The following ZNF892 variants were observed in gnomAD, a reference collection of about 807,000 sequenced individuals.
ZNF892 encodes zinc finger protein 570-like.
At chr2:95,218,700 A>G in the ZNF892 span, among the ~76,000 whole-genome samples, 1 of 152,214 alleles carries the variant, frequency 6.6e-6, no homozygotes, top group African/African-American at 2.4e-5. Flanking sequence ...CTCAAACAAC[A>G]GAAATTTATT....
At chr2:95,222,851 G>T in the ZNF892 span, among the ~76,000 whole-genome samples, 1 of 152,080 alleles carries the variant, frequency 6.6e-6, no homozygotes, top group East Asian at 1.9e-4. Context: ...TAATGTTTAG[G>T]AAATTTTTCT....
chr2:95,261,854 A>G, the ZNF892 span, among the ~76,000 whole-genome samples: 2 of 152,222 alleles, frequency 1.3e-5, no homozygotes, highest in East Asian at 3.9e-4. Flanking sequence ...GCGACTGGTC[A>G]TGCATCAAGT....
the ZNF892 span, among the ~76,000 whole-genome samples, chr2:95,220,919 A>T: frequency 9.9e-5 from 15 of 152,220 alleles, no homozygotes; most frequent in African/African-American, 3.6e-4. Flanking sequence ...AGCACTGGAG[A>T]ACTGGACTCA....
At chr2:95,206,660 G>C in the ZNF892 span, among the ~76,000 whole-genome samples, 1 of 152,186 alleles carries the variant, frequency 6.6e-6, no homozygotes, top group African/African-American at 2.4e-5. Context: ...AAGGCTTTAT[G>C]TTTTCTCTTT....
At chr2:95,233,489 C>T in the ZNF892 span, among the ~76,000 whole-genome samples, 1 of 150,950 alleles carries the variant, frequency 6.6e-6, no homozygotes, top group Non-Finnish European at 1.5e-5. Flanking sequence ...CTGGCTAACA[C>T]GGTGAAACCG....
the ZNF892 span, among the ~76,000 whole-genome samples, chr2:95,250,915 ATACT>A: frequency 1.1e-4 from 17 of 147,988 alleles, no homozygotes; most frequent in East Asian, 1.6e-3. Flanking sequence ...ATTGACGTCA[ATACT>A]TATTTATATA....
chr2:95,245,378 G>A, the ZNF892 span, among the ~76,000 whole-genome samples: 1 of 148,022 alleles, frequency 6.8e-6, no homozygotes, highest in African/African-American at 2.5e-5. Flanking sequence ...TGCCTCCCAA[G>A]TGGGACTACA....
chr2:95,234,621 A>C, the ZNF892 span, among the ~76,000 whole-genome samples: 1 of 152,232 alleles, frequency 6.6e-6, no homozygotes, highest in Non-Finnish European at 1.5e-5. Context: ...AGGACAGGGT[A>C]GGAGGTTCCA....
chr2:95,262,266 C>G, the ZNF892 span, among the ~76,000 whole-genome samples: 1 of 152,170 alleles, frequency 6.6e-6, no homozygotes, highest in Non-Finnish European at 1.5e-5. Flanking sequence ...TTGGTACACT[C>G]AGAACAAAAT....
chr2:95,233,564 T>G, the ZNF892 span, among the ~76,000 whole-genome samples: 1 of 146,122 alleles, frequency 6.8e-6, no homozygotes, highest in Non-Finnish European at 1.5e-5. Flanking sequence ...TCCCAGCTAC[T>G]CAGGAGGCTG....
chr2:95,222,543 C>T, the ZNF892 span, among the ~76,000 whole-genome samples: 3 of 152,268 alleles, frequency 2.0e-5, no homozygotes, highest in African/African-American at 7.2e-5. Context: ...AGTGGTATCT[C>T]AATGTGGCTT....
the ZNF892 span, chr2:95,212,430 T>C: frequency 5.0e-6 from 2 of 396,266 alleles, no homozygotes. Context: ...TGGATGGTTA[T>C]CTGTTTATAA....
the ZNF892 span, among the ~76,000 whole-genome samples, chr2:95,212,569 A>T: frequency 1.6e-4 from 24 of 152,250 alleles, no homozygotes; most frequent in African/African-American, 5.5e-4. Context: ...CAAGGCTCTA[A>T]AGCAGGATTT....
At chr2:95,221,915 T>C in the ZNF892 span, among the ~76,000 whole-genome samples, 1 of 152,122 alleles carries the variant, frequency 6.6e-6, no homozygotes, top group Non-Finnish European at 1.5e-5. Flanking sequence ...AGTTCCTTCT[T>C]CTCCTCCTCC....
At chr2:95,258,915 T>C in the ZNF892 span, among the ~76,000 whole-genome samples, 1 of 152,146 alleles carries the variant, frequency 6.6e-6, no homozygotes, top group South Asian at 2.1e-4. Flanking sequence ...ATGTAAGTTT[T>C]ACATAACATG....
At chr2:95,214,324 T>C in the ZNF892 span, 6 of 398,482 alleles carry the variant, frequency 1.5e-5, no homozygotes, top group Non-Finnish European at 2.7e-5. Flanking sequence ...TGTGTGTTTT[T>C]GCTTATTTCA....
the ZNF892 span, among the ~76,000 whole-genome samples, chr2:95,236,009 T>C: frequency 6.6e-6 from 1 of 152,210 alleles, no homozygotes; most frequent in Middle Eastern, 3.4e-3. Flanking sequence ...TTGGGCCCAC[T>C]AGGAAGTAGC....
the ZNF892 span, among the ~76,000 whole-genome samples, chr2:95,263,117 C>T: frequency 5.3e-5 from 8 of 152,288 alleles, no homozygotes; most frequent in South Asian, 1.5e-3. Context: ...GCAGATGAGT[C>T]AGTCAGAGAG....
the ZNF892 span, among the ~76,000 whole-genome samples, chr2:95,254,157 C>T: frequency 6.6e-6 from 1 of 152,170 alleles, no homozygotes; most frequent in African/African-American, 2.4e-5. Context: ...CTGTCTTGTG[C>T]CAGTTTTCAA....
Sources: allele counts gnomAD v4.1 joint callset (sites outside exome capture counted in the v4.1 genomes callset), GRCh38; gene constraint gnomAD v4.1.1; transcripts MANE v1.5; gene names NCBI Gene and HGNC (gene_info 2026-07-23, HGNC 2026-07-21).